The following CNTNAP5 variants were observed in gnomAD, a reference collection of about 807,000 sequenced individuals.
CNTNAP5 encodes the protein contactin associated protein family member 5.
Under a neutral mutation model 150.2 loss-of-function variants are expected in CNTNAP5, and 72 were observed. That is an observed-to-expected ratio of 0.48 (90% confidence interval 0.40 to 0.58). The LOEUF is 0.58. Ranked by LOEUF, CNTNAP5 falls within the 20% of genes least tolerant of loss-of-function variation. The probability of loss-of-function intolerance (pLI) is 0.00; values close to 1 mark genes in which losing one functional copy is unlikely to be tolerated. For missense variants in CNTNAP5, 1,636 were observed against 1,626.2 expected (o/e 1.01, Z -0.10); for synonymous variants, 672 against 619.8 (o/e 1.08, Z -1.25).
intron 13 of CNTNAP5, among the ~76,000 whole-genome samples, chr2:124,689,595 A>G (rs989935531): frequency 1.3e-5 from 2 of 152,046 alleles, no homozygotes; most frequent in African/African-American, 2.4e-5. Flanking sequence ...ATATCTGTGT[A>G]TATGCATGTG....
chr2:124,239,743 G>A (rs1365413424), intron 2 of CNTNAP5, among the ~76,000 whole-genome samples: 2 of 151,888 alleles, frequency 1.3e-5, no homozygotes, highest in Admixed American at 1.3e-4. Context: ...CTGGGCAGCA[G>A]AAGACATTGA....
At chr2:124,344,578 TG>T (rs939855560) in intron 3 of CNTNAP5, among the ~76,000 whole-genome samples, 11 of 152,174 alleles carry the variant, frequency 7.2e-5, no homozygotes, top group African/African-American at 1.9e-4. Flanking sequence ...AAGACCAGCC[TG>T]GGCAACATAA....
At chr2:124,878,693 GTTCTT>G (rs1192436599) in intron 21 of CNTNAP5, among the ~76,000 whole-genome samples, 5 of 148,918 alleles carry the variant, frequency 3.4e-5, no homozygotes, top group Non-Finnish European at 4.4e-5. Flanking sequence ...TTTATTTGTT[GTTCTT>G]TTCTTTTTTT....
intron 13 of CNTNAP5, among the ~76,000 whole-genome samples, chr2:124,707,513 GA>G (rs567519903): frequency 2.7e-5 from 4 of 146,334 alleles, no homozygotes; most frequent in East Asian, 1.9e-4. Context: ...AAGTTTTAAG[GA>G]AAAAAAATCC....
Position 124,749,239 on chromosome 2 carries a change from A to G in CNTNAP5, c.2234+1854A>G, listed in dbSNP as rs1027535703. The stretch of plus-strand genomic sequence containing the variant: ...ATTTATAGGTTTACTCTCACAGTGC[A>G]TATTAGACACTATGTGTATAGTCAA... On this transcript the variant is annotated intron_variant, in intron 14 of 23. Coordinates refer to ENST00000682447, the MANE Select transcript of CNTNAP5 (RefSeq NM_001367498.1). Among the ~76,000 whole-genome samples the G allele has an allele frequency of 9.2e-5, 14 of 152,254 alleles. No homozygotes were observed. The South Asian group carries it at 2.3e-3, about 25-fold the overall frequency.
At chr2:124,801,323 C>T (rs1345009068) in intron 19 of CNTNAP5, among the ~76,000 whole-genome samples, 1 of 152,160 alleles carries the variant, frequency 6.6e-6, no homozygotes, top group Non-Finnish European at 1.5e-5. Flanking sequence ...TTTTGAAAGG[C>T]AATCTAGATA....
intron 13 of CNTNAP5, among the ~76,000 whole-genome samples, chr2:124,721,586 C>CA (rs1263888188): frequency 1.3e-5 from 2 of 150,942 alleles, no homozygotes; most frequent in Admixed American, 1.3e-4. Flanking sequence ...AATAGACATA[C>CA]AAAAATCTCA....
chr2:124,098,159 G>C (rs1172083668), intron 1 of CNTNAP5, among the ~76,000 whole-genome samples: 2 of 152,202 alleles, frequency 1.3e-5, no homozygotes, highest in East Asian at 3.8e-4. Context: ...ACACATATTT[G>C]TGTTATATGT....
At chr2:124,408,965 G>A (rs1691671663) in intron 3 of CNTNAP5, among the ~76,000 whole-genome samples, 1 of 149,594 alleles carries the variant, frequency 6.7e-6, no homozygotes, top group African/African-American at 2.5e-5. Flanking sequence ...TCAAACCAAA[G>A]GCAAAGAAGT....
intron 1 of CNTNAP5, among the ~76,000 whole-genome samples, chr2:124,200,970 T>A (rs1685714056): frequency 6.6e-6 from 1 of 152,206 alleles, no homozygotes; most frequent in South Asian, 2.1e-4. Context: ...GCAGCCCAAG[T>A]GATGTCAATA....
intron 1 of CNTNAP5, among the ~76,000 whole-genome samples, chr2:124,039,725 C>T (rs886657934): frequency 4.6e-5 from 7 of 152,078 alleles, no homozygotes; most frequent in African/African-American, 1.4e-4. Flanking sequence ...CTCTCCTCCC[C>T]CCAGTGAATC....
chr2:124,508,889 A>G (rs982231493), intron 8 of CNTNAP5, among the ~76,000 whole-genome samples: 1 of 152,262 alleles, frequency 6.6e-6, no homozygotes, highest in African/African-American at 2.4e-5. Context: ...ATTTCTGAGG[A>G]AACTTGTTTT....
At chr2:124,361,055 C>A (rs1056872332) in intron 3 of CNTNAP5, among the ~76,000 whole-genome samples, 1 of 125,778 alleles carries the variant, frequency 8.0e-6, no homozygotes, top group Non-Finnish European at 1.7e-5. Flanking sequence ...TCATTTCATT[C>A]GTTTCATCTT....
At chr2:124,241,149 A>G (rs1382635714) in intron 2 of CNTNAP5, among the ~76,000 whole-genome samples, 1 of 152,144 alleles carries the variant, frequency 6.6e-6, no homozygotes. Flanking sequence ...GTAGAAGTGA[A>G]TATTGTCTTT....
At chr2:124,181,136 G>C (rs572639135) in intron 1 of CNTNAP5, among the ~76,000 whole-genome samples, 2 of 150,896 alleles carry the variant, frequency 1.3e-5, no homozygotes, top group South Asian at 2.1e-4. Context: ...ATGTAATTTT[G>C]TATTTAATTC....
chr2:124,455,547 C>A (rs1282960722), intron 6 of CNTNAP5, among the ~76,000 whole-genome samples: 1 of 151,920 alleles, frequency 6.6e-6, no homozygotes, highest in Non-Finnish European at 1.5e-5. Context: ...AAAGAGAGAA[C>A]CCTCCCTAAG....
chr2:124,666,688 C>A (rs575673047), intron 13 of CNTNAP5, among the ~76,000 whole-genome samples: 2 of 152,252 alleles, frequency 1.3e-5, no homozygotes, highest in Middle Eastern at 6.8e-3. Context: ...CACCACTATG[C>A]ACTGTTGACA....
intron 3 of CNTNAP5, among the ~76,000 whole-genome samples, chr2:124,297,095 C>CTTTTGGG (rs1427268857): frequency 6.6e-6 from 1 of 152,166 alleles, no homozygotes; most frequent in African/African-American, 2.4e-5. Context: ...GGGGATATGC[C>CTTTTGGG]TTTTGGGGTT....
chr2:124,289,840 A>G (rs1171763357), intron 3 of CNTNAP5, among the ~76,000 whole-genome samples: 1 of 152,208 alleles, frequency 6.6e-6, no homozygotes, highest in African/African-American at 2.4e-5. Context: ...GAAATTACAC[A>G]CAGTATAAAC....
Sources: allele counts gnomAD v4.1 joint callset (sites outside exome capture counted in the v4.1 genomes callset), GRCh38; gene constraint gnomAD v4.1.1; transcripts MANE v1.5; gene names NCBI Gene and HGNC (gene_info 2026-07-23, HGNC 2026-07-21).